Variants in ZC3H7B observed in about 807,000 individuals in gnomAD.
The protein encoded by ZC3H7B is zinc finger CCCH domain-containing protein 7B.
A neutral mutation model predicts 116.0 loss-of-function variants in ZC3H7B; 35 were observed. The ratio of observed to expected loss-of-function variants is 0.30; its 90% CI spans 0.23 to 0.40. ZC3H7B has a LOEUF of 0.40. ZC3H7B is among the 10% of genes least tolerant of loss of function. ZC3H7B has a pLI of 1.00. For synonymous variants in ZC3H7B, 502 were observed against 545.6 expected (o/e 0.92, Z 1.11); for missense variants, 1,011 against 1,321.5 (o/e 0.77, Z 3.64).
rs531128935 is a variant in ZC3H7B, at chr22:41,320,525, C to T, written c.-6-130C>T. The T allele has an allele frequency of 5.5e-5, 57 of 1,043,562 alleles. No homozygotes were observed. The East Asian group carries it at 5.8e-4, about 11-fold the overall frequency. The allele number at this position is 1,043,562 out of a possible 1,614,324, so 64.6% of individuals were successfully genotyped here. A position where few individuals can be genotyped will look rare whatever the true frequency, so the allele number is the denominator to read the frequency against. ...AGGGTGGTCATCGCCCTCAGGGACACGCCTCCCGACATGGGGAAGGGAATG... is the reference window on the plus strand; with the variant it reads ...AGGGTGGTCATCGCCCTCAGGGACATGCCTCCCGACATGGGGAAGGGAATG... On this transcript the variant is annotated intron_variant, in intron 1 of 22. Coordinates refer to ENST00000352645, the MANE Select transcript of ZC3H7B (RefSeq NM_017590.6).
At chr22:41,343,179 A>C (rs115809103) in intron 12 of ZC3H7B, among the ~76,000 whole-genome samples, 2,895 of 152,256 alleles carry the variant, frequency 0.019, 89 homozygotes, top group African/African-American at 0.066. Context: ...TCTCAAAAAA[A>C]AGGAGGGGGG....
At chr22:41,325,146 G>A (rs2036301633) in intron 2 of ZC3H7B, among the ~76,000 whole-genome samples, 1 of 152,174 alleles carries the variant, frequency 6.6e-6, no homozygotes, top group South Asian at 2.1e-4. Flanking sequence ...AGCAGAGGAT[G>A]GCTGTTTTTT....
chr22:41,307,627 C>T (rs2036061871), intron 1 of ZC3H7B, among the ~76,000 whole-genome samples: 1 of 152,198 alleles, frequency 6.6e-6, no homozygotes, highest in Non-Finnish European at 1.5e-5. Flanking sequence ...GCACATAACA[C>T]CCATATAACA....
intron 1 of ZC3H7B, among the ~76,000 whole-genome samples, chr22:41,301,990 G>C (rs2035972111): frequency 2.0e-5 from 3 of 152,208 alleles, no homozygotes; most frequent in Admixed American, 2.0e-4. Context: ...CTCCTTTTTG[G>C]GGATCCCGGT....
At chr22:41,319,638 CTATCT>C (rs1316961017) in intron 1 of ZC3H7B, among the ~76,000 whole-genome samples, 7 of 150,352 alleles carry the variant, frequency 4.7e-5, no homozygotes, top group Non-Finnish European at 8.9e-5. Context: ...CCCTGTCACT[CTATCT>C]TATTATTTTT....
chr22:41,355,614 G>A lies in ZC3H7B; in HGVS notation c.2168+12G>A. ...AAGGCCCGGCACTGGTGAGTGGGAT[G>A]CCAGGTGGGGGCTCAGGTGGGATGG... On this transcript the variant is annotated intron_variant, in intron 18 of 22. Coordinates refer to ENST00000352645, the MANE Select transcript of ZC3H7B (RefSeq NM_017590.6). 6.2e-7 allele frequency: 1 copy of A among 1,613,984 alleles called. No individual in the cohort carries two copies. Among genetic ancestry groups the A allele is most frequent in the South Asian group, 1.1e-5 (1 of 91,074 alleles).
chr22:41,356,419 C>T lies in ZC3H7B; in HGVS notation c.2460C>T (p.Ile820=), dbSNP rs1848900565. The T allele has an allele frequency of 2.5e-6, 4 of 1,614,062 alleles. No homozygotes were observed. In the African/African-American group the frequency reaches 4.0e-5, roughly 16 times the overall value. The stretch of plus-strand genomic sequence containing the variant: ...GAAAGCCTGGAGAAGGGACCCCCAT[C>T]AGTTCTCGGGAAGGGGAGAAGCAGA... ...NPGKPGEGTP[I]SSREGEKQIQ... The change falls in exon 21 of 23, where the codon ATC becomes ATT. Residue 820 remains isoleucine, a synonymous_variant. Coordinates refer to ENST00000352645, the MANE Select transcript of ZC3H7B (RefSeq NM_017590.6).
At chr22:41,332,353 C>T (rs2036394379) in intron 7 of ZC3H7B, 126 bp downstream of exon 7, 3 of 1,152,128 alleles carry the variant, frequency 2.6e-6, no homozygotes, top group Non-Finnish European at 3.9e-6. Context: ...GGAGGTACCT[C>T]CCGTGTCCAC....
chr22:41,325,336 A>G (rs1403694023), intron 2 of ZC3H7B, among the ~76,000 whole-genome samples: 2 of 151,892 alleles, frequency 1.3e-5, no homozygotes, highest in African/African-American at 4.8e-5. Flanking sequence ...GCTCTTTCTC[A>G]ACACCTGTAC....
intron 17 of ZC3H7B, among the ~76,000 whole-genome samples, chr22:41,352,178 C>T (rs1391212265): frequency 2.6e-5 from 4 of 152,158 alleles, no homozygotes; most frequent in South Asian, 2.1e-4. Context: ...TAGTCTTTGC[C>T]TTGTGTTGCA....
intron 5 of ZC3H7B, among the ~76,000 whole-genome samples, chr22:41,329,410 C>G (rs994130947): frequency 6.6e-6 from 1 of 151,884 alleles, no homozygotes; most frequent in Non-Finnish European, 1.5e-5. Context: ...AGGCACCCAC[C>G]ACCATGCCCG....
chr22:41,338,286 A>T lies in ZC3H7B; in HGVS notation c.583-27A>T. 1.9e-6 allele frequency: 3 copies of T among 1,609,068 alleles called. No individual in the cohort carries two copies. Among genetic ancestry groups the T allele is most frequent in the Non-Finnish European group, 2.5e-6 (3 of 1,178,998 alleles). The stretch of plus-strand genomic sequence containing the variant: ...CTGGGATCGGGGCCTTCCCAGCCAC[A>T]GCGCCACTGTGGCCCTCTCCCCACA... On this transcript the variant is annotated intron_variant, in intron 7 of 22. Coordinates refer to ENST00000352645, the MANE Select transcript of ZC3H7B (RefSeq NM_017590.6). This position sits in a 1 kb window ranked among gnomAD's most constrained non-coding sequence, Gnocchi z 4.5.
chr22:41,349,425 T>C lies in ZC3H7B; in HGVS notation c.1948+124T>C. The C allele has an allele frequency of 7.7e-7, 1 of 1,298,246 alleles. No individual in the cohort carries two copies. The highest frequency in any genetic ancestry group is 1.1e-6 in the Non-Finnish European group (1 of 948,476). The allele number at this position is 1,298,246 out of a possible 1,614,324, so 80.4% of individuals were successfully genotyped here. On this transcript the variant is annotated intron_variant, in intron 16 of 22. Transcript: ENST00000352645. This position sits in a 1 kb window ranked among gnomAD's most constrained non-coding sequence, Gnocchi z 4.9. Reference sequence around the variant, plus strand: ...GGCCCCATGGTCGCTGGAGGGGGCTTCGGGAGAGTTCAGGAGAGGTGGCTG... The same window carrying C: ...GGCCCCATGGTCGCTGGAGGGGGCTCCGGGAGAGTTCAGGAGAGGTGGCTG...
At position 41,357,586 on chromosome 22, in the gene ZC3H7B, C is replaced by T. The variant is rs550258396; in HGVS notation, c.*157C>T. ...GCCCTGTCCATCTTCTCCCCACCACCGCCCCGGTGTGCGTACCCAGGCGCA... is the reference window on the plus strand; with the variant it reads ...GCCCTGTCCATCTTCTCCCCACCACTGCCCCGGTGTGCGTACCCAGGCGCA... On this transcript the variant is annotated 3_prime_UTR_variant, in exon 23 of 23. Coordinates refer to ENST00000352645, the MANE Select transcript of ZC3H7B (RefSeq NM_017590.6). The surrounding 1 kb of genome is among the most constrained non-coding windows in gnomAD (Gnocchi z 5.4). 89 of 1,071,592 alleles carry T rather than the reference C, an allele frequency of 8.3e-5. No individual in the cohort carries two copies. The African/African-American group carries it at 1.0e-3, about 13-fold the overall frequency. The allele number at this position is 1,071,592 out of a possible 1,614,324, so 66.4% of individuals were successfully genotyped here. A position where few individuals can be genotyped will look rare whatever the true frequency, so the allele number is the denominator to read the frequency against.
chr22:41,308,780 C>T (rs1351806457), intron 1 of ZC3H7B, among the ~76,000 whole-genome samples: 3 of 152,204 alleles, frequency 2.0e-5, no homozygotes, highest in Non-Finnish European at 2.9e-5. Flanking sequence ...CTGCCCCTTG[C>T]ACTTTGCCTC....
chr22:41,327,112 G>GGAA lies in ZC3H7B; in HGVS notation c.286-93_286-92insAAG. On this transcript the variant is annotated intron_variant, in intron 4 of 22. Coordinates refer to ENST00000352645, the MANE Select transcript of ZC3H7B (RefSeq NM_017590.6). This position sits in a 1 kb window ranked among gnomAD's most constrained non-coding sequence, Gnocchi z 4.5. ...TCAGCTCCTCTGTCTCTGCCAGGAA[G>GGAA]GGAAGCTGGTGTTCCTTCCTAGGCA... The GGAA allele has an allele frequency of 6.5e-7, 1 of 1,532,040 alleles. No individual in the cohort carries two copies. The highest frequency in any genetic ancestry group is 8.8e-7 in the Non-Finnish European group (1 of 1,134,588). 94.9% of individuals were successfully genotyped at this position (1,532,040 alleles called of 1,614,324 possible).
At position 41,349,151 on chromosome 22, in the gene ZC3H7B, C is replaced by G; in HGVS notation, c.1798C>G (p.Leu600Val). Reference protein sequence around the residue: ...CLVHIVRSTSLKYSKIRQFQE... With the variant: ...CLVHIVRSTSVKYSKIRQFQE... Reference sequence around the variant, plus strand: ...GGTGCACATCGTCCGCTCCACCTCCCTCAAGTACTCCAAGATCCGCCAGTT... The same window carrying G: ...GGTGCACATCGTCCGCTCCACCTCCGTCAAGTACTCCAAGATCCGCCAGTT... The change falls in exon 16 of 23, where the codon CTC (leucine) becomes GTC (valine). Residue 600 changes from leucine to valine, a missense_variant. Physicochemically the swap from Leu to Val is conservative, Grantham distance 32. This residue lies in a region of ZC3H7B where 406 missense variants were observed against 590.2 expected (regional missense o/e 0.69). Coordinates refer to ENST00000352645, the MANE Select transcript of ZC3H7B (RefSeq NM_017590.6). The surrounding 1 kb of genome is among the most constrained non-coding windows in gnomAD (Gnocchi z 4.9). 1 of 1,613,848 alleles carries G rather than the reference C, an allele frequency of 6.2e-7. No individual in the cohort carries two copies. Among genetic ancestry groups the G allele is most frequent in the Non-Finnish European group, 8.5e-7 (1 of 1,180,012 alleles).
At position 41,351,661 on chromosome 22, in the gene ZC3H7B, T is replaced by C; in HGVS notation, c.2034+15T>C. On this transcript the variant is annotated intron_variant, in intron 17 of 22. Transcript: ENST00000352645. This position sits in a 1 kb window ranked among gnomAD's most constrained non-coding sequence, Gnocchi z 5.1. Reference sequence around the variant, plus strand: ...GCAGCAGCATGGTAAGGCCTTCTGATACTATGCCATTATTCAGATTTTGTG... The same window carrying C: ...GCAGCAGCATGGTAAGGCCTTCTGACACTATGCCATTATTCAGATTTTGTG... The C allele has an allele frequency of 6.2e-7, 1 of 1,610,516 alleles. No homozygotes were observed. The highest frequency in any genetic ancestry group is 8.5e-7 in the Non-Finnish European group (1 of 1,178,614).
intron 11 of ZC3H7B, among the ~76,000 whole-genome samples, chr22:41,341,778 G>A (rs2036525865): frequency 6.8e-6 from 1 of 146,644 alleles, no homozygotes; most frequent in African/African-American, 2.5e-5. Flanking sequence ...AACATCTGAT[G>A]AGGGGCCAGG....
Sources: gnomAD v4.1 joint callset for allele counts (sites outside exome capture counted in the v4.1 genomes callset) on GRCh38, gnomAD v4.1.1 for gene constraint, gnomAD v4.1.1 regional missense constraint, Gnocchi (gnomAD v3.1) non-coding constraint, MANE v1.5 for transcripts, NCBI Gene and HGNC (gene_info 2026-07-23, HGNC 2026-07-21) for gene names.